Variants in IGSF10 observed in about 807,000 individuals in gnomAD.
The protein encoded by IGSF10 is immunoglobulin superfamily member 10.
In IGSF10, 126 loss-of-function variants were observed where a neutral mutation model predicts 128.2. That is an observed-to-expected ratio of 0.98 (90% CI 0.85 to 1.14). IGSF10 has a LOEUF of 1.14. Among genes scored for constraint, IGSF10 ranks in the 50% most tolerant of loss-of-function variants. The pLI is 0.00. For synonymous variants in IGSF10, 1,185 were observed against 1,146.2 expected, an observed-to-expected ratio of 1.03 and a Z score of -0.68; for missense variants, 3,295 against 3,149.8, an observed-to-expected ratio of 1.05 and a Z score of -1.10.
the IGSF10 span, among the ~76,000 whole-genome samples, chr3:151,612,480 G>A: frequency 1.3e-5 from 2 of 152,286 alleles, no homozygotes; most frequent in African/African-American, 4.8e-5. Flanking sequence ...AGAATGGCCT[G>A]TATAATTGTT....
intron 4 of IGSF10, among the ~76,000 whole-genome samples, chr3:151,455,407 C>G (rs1249894754): frequency 1.3e-5 from 2 of 152,060 alleles, no homozygotes; most frequent in Non-Finnish European, 2.9e-5. Context: ...GCCACTGCGC[C>G]CGGCCTAAAG....
chr3:151,442,458 C>A (rs532497472), intron 7 of IGSF10, among the ~76,000 whole-genome samples: 5 of 147,636 alleles, frequency 3.4e-5, no homozygotes, highest in African/African-American at 1.3e-4. Flanking sequence ...CGGTTCACTG[C>A]AACCTCTGCC....
At chr3:151,573,078 A>C in the IGSF10 span, among the ~76,000 whole-genome samples, 11 of 152,294 alleles carry the variant, frequency 7.2e-5, no homozygotes, top group East Asian at 1.3e-3. Flanking sequence ...GTTTGATTGC[A>C]CTGTGGTCTG....
chr3:151,433,022 T>C, downstream of IGSF10: 1 of 502,660 alleles, frequency 2.0e-6, no homozygotes, highest in African/African-American at 1.9e-5. Flanking sequence ...TAAAGTAGGT[T>C]TACAAATGTG....
At chr3:151,583,874 T>C in the IGSF10 span, among the ~76,000 whole-genome samples, 1 of 152,218 alleles carries the variant, frequency 6.6e-6, no homozygotes, top group African/African-American at 2.4e-5. Flanking sequence ...GTCTGACTTT[T>C]TGGCCCAACA....
At chr3:151,585,104 C>A in the IGSF10 span, among the ~76,000 whole-genome samples, 1 of 152,110 alleles carries the variant, frequency 6.6e-6, no homozygotes. Flanking sequence ...TAGCCGCTAG[C>A]CACATGTGGC....
At chr3:151,486,426 G>C in the IGSF10 span, among the ~76,000 whole-genome samples, 1 of 152,084 alleles carries the variant, frequency 6.6e-6, no homozygotes, top group South Asian at 2.1e-4. Context: ...AAATTAACAA[G>C]GATATCCAGG....
At chr3:151,565,420 T>A in the IGSF10 span, among the ~76,000 whole-genome samples, 3 of 151,798 alleles carry the variant, frequency 2.0e-5, no homozygotes, top group Admixed American at 6.6e-5. Context: ...TATACAGAGG[T>A]GAGTGGTAAG....
the IGSF10 span, among the ~76,000 whole-genome samples, chr3:151,588,656 T>C: frequency 4.6e-5 from 7 of 152,212 alleles, no homozygotes; most frequent in Admixed American, 4.6e-4. Flanking sequence ...TTGCATTTGG[T>C]AAATATTAAC....
At chr3:151,453,149 A>G (rs984473521) in intron 5 of IGSF10, among the ~76,000 whole-genome samples, 2 of 152,342 alleles carry the variant, frequency 1.3e-5, no homozygotes, top group Non-Finnish European at 1.5e-5. Context: ...ATTTTTATAA[A>G]GAGCCAGATA....
the IGSF10 span, among the ~76,000 whole-genome samples, chr3:151,506,017 T>C: frequency 6.6e-6 from 1 of 151,968 alleles, no homozygotes; most frequent in African/African-American, 2.4e-5. Flanking sequence ...GTGGTGTTGA[T>C]CTCAGCTCAC....
At chr3:151,502,205 A>G in the IGSF10 span, among the ~76,000 whole-genome samples, 1 of 152,082 alleles carries the variant, frequency 6.6e-6, no homozygotes, top group African/African-American at 2.4e-5. Flanking sequence ...GACAAGTTTT[A>G]TCTTTTTTTT....
At chr3:151,611,593 A>T in the IGSF10 span, among the ~76,000 whole-genome samples, 1 of 152,168 alleles carries the variant, frequency 6.6e-6, no homozygotes, top group African/African-American at 2.4e-5. Flanking sequence ...TCTGAAATGG[A>T]TATCTTCCAT....
At chr3:151,533,073 A>G in the IGSF10 span, among the ~76,000 whole-genome samples, 1 of 152,216 alleles carries the variant, frequency 6.6e-6, no homozygotes, top group African/African-American at 2.4e-5. Context: ...ACTGCTACTA[A>G]GAGAATAAAA....
At chr3:151,536,341 T>C in the IGSF10 span, among the ~76,000 whole-genome samples, 1 of 152,164 alleles carries the variant, frequency 6.6e-6, no homozygotes, top group Non-Finnish European at 1.5e-5. Context: ...GCAGAGAGGG[T>C]GACCCTCAGT....
the IGSF10 span, among the ~76,000 whole-genome samples, chr3:151,597,346 A>T: frequency 2.0e-5 from 3 of 152,236 alleles, no homozygotes; most frequent in African/African-American, 7.2e-5. Context: ...ATAGAGAGCT[A>T]GAACAGCACT....
the IGSF10 span, among the ~76,000 whole-genome samples, chr3:151,615,561 G>C: frequency 6.6e-6 from 1 of 152,120 alleles, no homozygotes; most frequent in South Asian, 2.1e-4. Context: ...ATTATGCTGG[G>C]CATATGAAAT....
the IGSF10 span, among the ~76,000 whole-genome samples, chr3:151,570,435 T>C: frequency 6.6e-6 from 1 of 152,328 alleles, no homozygotes; most frequent in Non-Finnish European, 1.5e-5. Context: ...TTCTAACCGG[T>C]GTGAGATGGT....
rs1250154530 is a variant in IGSF10, at chr3:151,437,918, C to A, written c.6643G>T (p.Ala2215Ser). 6.2e-7 allele frequency: 1 copy of A among 1,614,110 alleles called. No homozygotes were observed. The highest frequency in any genetic ancestry group is 1.1e-5 in the South Asian group (1 of 91,082). ...LLDSGEYVCV[A>S]RNPSGDDTKM... Reference sequence around the variant, plus strand: ...GTGTCATCCCCACTGGGATTTCGGGCTACACATACGTACTCTCCAGAATCG... The same window carrying A: ...GTGTCATCCCCACTGGGATTTCGGGATACACATACGTACTCTCCAGAATCG... Residue 2215 changes from alanine to serine, a missense_variant, in exon 8 of 8, where the codon GCC (alanine) becomes TCC (serine). Ala to Ser is a moderately conservative substitution (Grantham distance 99). Coordinates refer to ENST00000282466, the MANE Select transcript of IGSF10 (RefSeq NM_178822.5).
Sources: gnomAD v4.1 joint callset for allele counts (sites outside exome capture counted in the v4.1 genomes callset) on GRCh38, gnomAD v4.1.1 for gene constraint, MANE v1.5 for transcripts, NCBI Gene and HGNC (gene_info 2026-07-23, HGNC 2026-07-21) for gene names.